Variants in NPC1 observed in about 807,000 individuals in gnomAD.
NPC1 encodes the protein NPC intracellular cholesterol transporter 1.
Under a neutral mutation model 140.4 loss-of-function variants are expected in NPC1, and 85 were observed. The observed-to-expected ratio is 0.61, with a 90% confidence interval of 0.51 to 0.72. NPC1 has a LOEUF of 0.72. Ranked by LOEUF, NPC1 falls within the 30% of genes least tolerant of loss-of-function variation. NPC1 has a pLI of 0.00. For missense variants in NPC1, 1,504 were observed against 1,623.8 expected, an observed-to-expected ratio of 0.93 and a Z score of 1.27; for synonymous variants, 656 against 624.8, an observed-to-expected ratio of 1.05 and a Z score of -0.74.
chr18:23,571,510 AGCTAGGTGTGGT>A (rs781488415), intron 3 of NPC1, among the ~76,000 whole-genome samples: 20 of 152,214 alleles, frequency 1.3e-4, no homozygotes, highest in South Asian at 1.2e-3. Flanking sequence ...TATAAAACTT[AGCTAGGTGTGGT>A]GGCATGTGCC....
At chr18:23,527,910 C>T, downstream of NPC1, 2 of 1,607,198 alleles carry the variant, frequency 1.2e-6, no homozygotes, top group Non-Finnish European at 1.7e-6. Flanking sequence ...TGGTGAGTTA[C>T]ATGGAGTATG....
chr18:23,546,249 A>C (rs927102608), intron 11 of NPC1, among the ~76,000 whole-genome samples: 82 of 16,680 alleles, frequency 4.9e-3, no homozygotes, highest in Non-Finnish European at 0.01. Flanking sequence ...ACTCTGTCTC[A>C]AAAAAAAAAA....
In NPC1 at chr18:23,544,337, A is replaced by G. The variant is rs1358733869; in HGVS notation, c.2130+7T>C. 2 of 1,613,850 alleles carry G rather than the reference A, an allele frequency of 1.2e-6. No homozygotes were observed. Among genetic ancestry groups the G allele is most frequent in the African/African-American group, 1.3e-5 (1 of 75,032 alleles). ...ATGCTGAGCCCTGTGAGAATATGGA[A>G]GTATACCTGGTAGGCCTGCACCAGA... On this transcript the variant is annotated splice_region_variant and intron_variant, in intron 13 of 24. Transcript: ENST00000269228.
rs2059421085 is a variant in NPC1 at position 23,586,460 on chromosome 18, GAGCAGGCGCTGACCGCGGC to G, written c.-136_-118del. On this transcript the variant is annotated 5_prime_UTR_variant, in exon 1 of 25. Coordinates refer to ENST00000269228, the MANE Select transcript of NPC1 (RefSeq NM_000271.5). Reference sequence around the variant, plus strand: ...CCGCGCAGGAGGAGCGGAGGAGCAGGAGCAGGCGCTGACCGCGGCAGCAGGCTGCGCGCGCCGGTCAGGA... The same window carrying G: ...CCGCGCAGGAGGAGCGGAGGAGCAGGAGCAGGCTGCGCGCGCCGGTCAGGA... The G allele has an allele frequency of 6.8e-7, 1 of 1,476,226 alleles. No homozygotes were observed. Among genetic ancestry groups the G allele is most frequent in the South Asian group, 1.3e-5 (1 of 75,780 alleles). 91.4% of individuals were successfully genotyped at this position (1,476,226 alleles called of 1,614,324 possible).
chr18:23,575,371 G>C (rs544588482), intron 1 of NPC1, among the ~76,000 whole-genome samples: 30 of 152,252 alleles, frequency 2.0e-4, no homozygotes, highest in African/African-American at 6.5e-4. Flanking sequence ...GCACGGAGTG[G>C]GATCGAGTCC....
rs550446916 is a variant in NPC1, at chr18:23,571,285, C to T, written c.287+789G>A. ...TGTGGTTCACACCTATAATCCAGCA[C>T]TCTGGGAGGCTAAGGTGGGAGGATC... On this transcript the variant is annotated intron_variant, in intron 3 of 24. Coordinates refer to ENST00000269228, the MANE Select transcript of NPC1 (RefSeq NM_000271.5). 3.5e-4 allele frequency among the ~76,000 whole-genome samples: 53 copies of T among 150,684 alleles called. No homozygotes were observed. In the South Asian group the frequency reaches 8.8e-3, roughly 25 times the overall value.
rs375254375 is a variant in NPC1 at position 23,531,575 on chromosome 18, C to T, written c.*627G>A. 1 of 1,593,030 alleles carries T rather than the reference C, an allele frequency of 6.3e-7. No homozygotes were observed. Among genetic ancestry groups the T allele is most frequent in the Non-Finnish European group, 8.5e-7 (1 of 1,172,046 alleles). ...CACACCTACGAGATGCTTTCTTTGT[C>T]CCTCATTTCATGCCACATCTAACTG... On this transcript the variant is annotated 3_prime_UTR_variant, in exon 25 of 25. Transcript: ENST00000269228.
chr18:23,568,911 A>C lies in NPC1; in HGVS notation c.375T>G (p.Ala125=). 1 of 1,613,612 alleles carries C rather than the reference A, an allele frequency of 6.2e-7. No individual in the cohort carries two copies. Among genetic ancestry groups the C allele is most frequent in the South Asian group, 1.1e-5 (1 of 91,078 alleles). ...TAACAGGATCAACATAATCTTCAGT[A>C]GCTGTAACATTCAAAAACTGACTCT... is the stretch of plus-strand genomic sequence containing the variant. ...PRQSQFLNVT[A]TEDYVDPVTN... is the part of the protein sequence containing the mutation. Residue 125 remains alanine, a synonymous_variant, in exon 4 of 25, where the codon GCT becomes GCG. Transcript: ENST00000269228.
chr18:23,511,678 A>G (rs1022569525), intron 3 of NPC1, among the ~76,000 whole-genome samples: 2 of 149,660 alleles, frequency 1.3e-5, no homozygotes, highest in Non-Finnish European at 3.0e-5. Context: ...TCCAAAGTGT[A>G]TCTTGGACAT....
At chr18:23,512,281 A>C (rs2057882439) in intron 3 of NPC1, among the ~76,000 whole-genome samples, 1 of 152,118 alleles carries the variant, frequency 6.6e-6, no homozygotes, top group African/African-American at 2.4e-5. Flanking sequence ...TCGGCCCCCT[A>C]AAGTGCTGGG....
intron 1 of NPC1, among the ~76,000 whole-genome samples, chr18:23,585,148 CTT>C (rs914334381): frequency 1.1e-4 from 17 of 152,274 alleles, no homozygotes; most frequent in African/African-American, 4.1e-4. Flanking sequence ...ATTTCTCTCT[CTT>C]TTTTGTTTTG....
At chr18:23,513,797 G>A (rs934335758) in intron 3 of NPC1, among the ~76,000 whole-genome samples, 2 of 152,160 alleles carry the variant, frequency 1.3e-5, no homozygotes, top group Non-Finnish European at 2.9e-5. Context: ...GCACTTTTGT[G>A]TGTGTGTTTT....
Position 23,586,368 on chromosome 18 carries a change from C to T in NPC1, c.-25G>A. 3.3e-6 allele frequency: 5 copies of T among 1,531,456 alleles called. No homozygotes were observed. The highest frequency in any genetic ancestry group is 4.4e-6 in the Non-Finnish European group (5 of 1,145,348). 94.9% of individuals were successfully genotyped at this position (1,531,456 alleles called of 1,614,324 possible). ...TGCTGTGGCCGCGCAAGGCTGCTGA[C>T]GCCGGCGGCGTTCGGCTGGTTGGGC... On this transcript the variant is annotated 5_prime_UTR_variant, in exon 1 of 25. Transcript: ENST00000269228.
chr18:23,526,657 G>A (rs906906901), downstream of NPC1: 13 of 1,614,126 alleles, frequency 8.1e-6, no homozygotes, highest in South Asian at 1.1e-5. Flanking sequence ...GAACCTCCAA[G>A]TGAAACTTGA....
downstream of NPC1, chr18:23,529,062 T>C (rs2058398752): frequency 6.8e-7 from 1 of 1,468,110 alleles, no homozygotes; most frequent in Non-Finnish European, 9.1e-7. Flanking sequence ...GTAGAGAAAG[T>C]GTTTTCCGCT....
chr18:23,540,944 C>CT lies in NPC1; in HGVS notation c.2514+123dup, dbSNP rs199530062. 4,911 of 1,158,398 alleles carry CT rather than the reference C, an allele frequency of 4.2e-3. 12 individuals are homozygous for CT. The highest frequency in any genetic ancestry group is 5.5e-3 in the Non-Finnish European group (4,276 of 783,294). 71.8% of individuals were successfully genotyped at this position (1,158,398 alleles called of 1,614,324 possible). On this transcript the variant is annotated intron_variant, in intron 16 of 24. Transcript: ENST00000269228. ...ATCTACTGTTCCACATTTGCTTTTG[C>CT]TTTTTTTTTAGATACATTTTAACAG... is the stretch of plus-strand genomic sequence containing the variant.
chr18:23,518,216 A>G (rs969901738), downstream of NPC1, among the ~76,000 whole-genome samples: 3 of 152,040 alleles, frequency 2.0e-5, no homozygotes, highest in African/African-American at 7.2e-5. Context: ...AAGGCTGAGC[A>G]TGGTGGCACA....
intron 4 of NPC1, among the ~76,000 whole-genome samples, 163 bp from the exon 5 acceptor site, chr18:23,561,690 T>TA (rs2059042099): frequency 6.6e-6 from 1 of 152,162 alleles, no homozygotes; most frequent in South Asian, 2.1e-4. Context: ...GAGATTCCCT[T>TA]TAAATTGGCT....
At chr18:23,577,114 C>G (rs1377163745) in intron 1 of NPC1, among the ~76,000 whole-genome samples, 3 of 151,454 alleles carry the variant, frequency 2.0e-5, no homozygotes, top group Non-Finnish European at 4.4e-5. Flanking sequence ...TAGTTAGATA[C>G]AGAGTTTCCA....
Sources: allele counts gnomAD v4.1 joint callset (sites outside exome capture counted in the v4.1 genomes callset), GRCh38; gene constraint gnomAD v4.1.1; transcripts MANE v1.5; gene names NCBI Gene and HGNC (gene_info 2026-07-23, HGNC 2026-07-21).